RORA: variants seen among roughly 807,000 people sequenced by gnomAD.
The protein encoded by RORA is nuclear receptor ROR-alpha.
RORA carries 7 observed loss-of-function variants against 69.5 expected under a neutral mutation model. The observed-to-expected ratio is 0.10, with a 90% CI of 0.06 to 0.19. The LOEUF is 0.19. Ranked by LOEUF, RORA falls within the 10% of genes least tolerant of loss-of-function variation. The pLI, the probability that RORA is intolerant of heterozygous loss-of-function variation, is 1.00. For synonymous variants in RORA, 261 were observed against 240.8 expected, an observed-to-expected ratio of 1.08 and a Z score of -0.78; for missense variants, 457 against 663.0, an observed-to-expected ratio of 0.69 and a Z score of 3.41.
intron 1 of RORA, among the ~76,000 whole-genome samples, chr15:61,168,380 C>T (rs937218958): frequency 6.6e-6 from 1 of 151,824 alleles, no homozygotes; most frequent in South Asian, 2.1e-4. Context: ...AGGTATGCAC[C>T]ACCATGCCCA....
chr15:60,720,661 AG>A (rs2071282579), intron 1 of RORA, among the ~76,000 whole-genome samples: 1 of 152,196 alleles, frequency 6.6e-6, no homozygotes, highest in Non-Finnish European at 1.5e-5. Context: ...CCGGCAGCAC[AG>A]GACAAGGCCT....
chr15:61,161,888 A>G (rs1295973021), intron 1 of RORA, among the ~76,000 whole-genome samples: 2 of 152,240 alleles, frequency 1.3e-5, no homozygotes, highest in Non-Finnish European at 2.9e-5. Context: ...TCAATAAATT[A>G]TGGTATAATC....
rs1035185683 is a variant in RORA, at chr15:60,659,983, C to T, written c.196+18674G>A. 4.6e-5 allele frequency among the ~76,000 whole-genome samples: 7 copies of T among 152,268 alleles called. No individual in the cohort carries two copies. In the East Asian group the frequency reaches 7.7e-4, roughly 17 times the overall value. ...AAGGATTTTTTAAAAACCACTACCA[C>T]GACAGTATTATGCCTGACAATATTA... On this transcript the variant is annotated intron_variant, in intron 2 of 10. Transcript: ENST00000335670.
At chr15:60,502,651 TTTTTGTTTCTAAA>T in intron 8 of RORA, 96 bp downstream of exon 8, 2 of 767,238 alleles carry the variant, frequency 2.6e-6, no homozygotes. Flanking sequence ...AACCCCTTAA[TTTTTGTTTCTAAA>T]TAAAGTTTTC....
At position 61,166,609 on chromosome 15, in the gene RORA, G is replaced by A. The variant is rs150278173; in HGVS notation, c.166+62444C>T. On this transcript the variant is annotated intron_variant, in intron 1 of 10. Transcript: ENST00000335670. ...CACAGCAGCATGATATTATAGGAAG[G>A]GGAAATATAAAACCAAGTTTTACAG... Among the ~76,000 whole-genome samples the A allele has an allele frequency of 3.9e-4, 59 of 152,108 alleles. No homozygotes were observed. The East Asian group carries it at 8.5e-3, about 22-fold the overall frequency.
At chr15:60,547,048 C>T (rs567182251) in intron 2 of RORA, among the ~76,000 whole-genome samples, 3 of 152,114 alleles carry the variant, frequency 2.0e-5, no homozygotes, top group African/African-American at 7.2e-5. Context: ...GTACTGTGGG[C>T]GTGGAGATGC....
At chr15:61,126,482 C>T (rs547407236) in intron 1 of RORA, among the ~76,000 whole-genome samples, 1 of 152,276 alleles carries the variant, frequency 6.6e-6, no homozygotes, top group African/African-American at 2.4e-5. Context: ...AAATTCTATA[C>T]CCTTTGACCA....
intron 1 of RORA, among the ~76,000 whole-genome samples, chr15:61,195,347 G>A (rs988240321): frequency 6.6e-6 from 1 of 151,714 alleles, no homozygotes; most frequent in African/African-American, 2.4e-5. Flanking sequence ...TCATGGGTTC[G>A]CTCTTCCCAG....
At chr15:60,727,887 G>T (rs1480486146) in intron 1 of RORA, among the ~76,000 whole-genome samples, 2 of 152,064 alleles carry the variant, frequency 1.3e-5, no homozygotes, top group Non-Finnish European at 2.9e-5. Context: ...CGCTCTGAAG[G>T]TATTCGTCTC....
intron 1 of RORA, among the ~76,000 whole-genome samples, chr15:60,801,830 T>C (rs1276445335): frequency 6.6e-6 from 1 of 152,212 alleles, no homozygotes; most frequent in African/African-American, 2.4e-5. Flanking sequence ...CTTAACTGTA[T>C]GGTATAAAAT....
chr15:61,145,360 T>C (rs1344654336), intron 1 of RORA, among the ~76,000 whole-genome samples: 1 of 152,212 alleles, frequency 6.6e-6, no homozygotes, highest in Non-Finnish European at 1.5e-5. Flanking sequence ...TTTACAGATA[T>C]GGACACAGAA....
rs527696901 is a variant in RORA, at chr15:61,066,082, G to C, written c.166+162971C>G. On this transcript the variant is annotated intron_variant, in intron 1 of 10. Transcript: ENST00000335670. ...GAGAAATTTACTAATGCGTCTAGTG[G>C]TTTTTATGATTGTAAAGACCCAGTT... Among the ~76,000 whole-genome samples, 18 of 152,206 alleles carry C rather than the reference G, an allele frequency of 1.2e-4. No homozygotes were observed. In the South Asian group the frequency reaches 3.3e-3, roughly 28 times the overall value.
chr15:60,830,771 C>T (rs1403037919), intron 1 of RORA, among the ~76,000 whole-genome samples: 1 of 152,142 alleles, frequency 6.6e-6, no homozygotes, highest in Non-Finnish European at 1.5e-5. Context: ...CTCTAGGGTA[C>T]ACAAGAAAAC....
intron 1 of RORA, among the ~76,000 whole-genome samples, chr15:60,696,374 G>A (rs548707990): frequency 0.015 from 2,237 of 147,244 alleles, 45 homozygotes; most frequent in African/African-American, 0.044. Flanking sequence ...CTGATTTACA[G>A]AAAAAAAAAA....
At chr15:60,620,405 G>A (rs2069372682) in intron 2 of RORA, among the ~76,000 whole-genome samples, 2 of 152,184 alleles carry the variant, frequency 1.3e-5, no homozygotes, top group Admixed American at 1.3e-4. Context: ...GCCGTCATGA[G>A]GATCAAATGA....
chr15:61,198,564 C>T (rs1286967396), intron 1 of RORA, among the ~76,000 whole-genome samples: 3 of 151,468 alleles, frequency 2.0e-5, no homozygotes, highest in Non-Finnish European at 4.4e-5. Flanking sequence ...TAGGAAAATT[C>T]ATGTCCTGGA....
At chr15:60,593,879 TA>T (rs1214736185) in intron 2 of RORA, among the ~76,000 whole-genome samples, 2 of 152,104 alleles carry the variant, frequency 1.3e-5, no homozygotes. Context: ...GGCCACAATT[TA>T]AAACACAAGC....
intron 1 of RORA, among the ~76,000 whole-genome samples, chr15:61,086,418 T>C (rs1393012216): frequency 6.6e-6 from 1 of 152,218 alleles, no homozygotes; most frequent in Non-Finnish European, 1.5e-5. Flanking sequence ...AATGAGAACT[T>C]AATGAACTCA....
At chr15:60,845,882 G>C (rs1314910659) in intron 1 of RORA, among the ~76,000 whole-genome samples, 1 of 152,138 alleles carries the variant, frequency 6.6e-6, no homozygotes, top group African/African-American at 2.4e-5. Context: ...GAGTAGCAGG[G>C]ACTACAGGTG....
Sources: allele counts gnomAD v4.1 joint callset (sites outside exome capture counted in the v4.1 genomes callset), GRCh38; gene constraint gnomAD v4.1.1; transcripts MANE v1.5; gene names NCBI Gene and HGNC (gene_info 2026-07-23, HGNC 2026-07-21).